The following DYNC2LI1 variants were observed in gnomAD, a reference collection of about 807,000 sequenced individuals.
The protein encoded by DYNC2LI1 is cytoplasmic dynein 2 light intermediate chain 1.
DYNC2LI1 carries 45 observed loss-of-function variants against 51.9 expected under a neutral mutation model. The observed-to-expected ratio is 0.87, with a 90% CI of 0.68 to 1.11. DYNC2LI1 has a LOEUF of 1.11. DYNC2LI1 is among the 50% of genes most tolerant of loss of function. The probability of loss-of-function intolerance (pLI) is 0.00; values close to 1 mark genes in which losing one functional copy is unlikely to be tolerated. For synonymous variants in DYNC2LI1, 130 were observed against 137.8 expected, an observed-to-expected ratio of 0.94 and a Z score of 0.40; for missense variants, 490 against 417.4, an observed-to-expected ratio of 1.17 and a Z score of -1.51.
chr2:43,823,000 C>G, the DYNC2LI1 span: 40 of 1,594,708 alleles, frequency 2.5e-5, no homozygotes, highest in Non-Finnish European at 3.2e-5. Context: ...GAGGGCTAGC[C>G]CAAGCTGAAT....
chr2:43,798,350 T>A (rs1222903548), intron 8 of DYNC2LI1, among the ~76,000 whole-genome samples: 1 of 152,206 alleles, frequency 6.6e-6, no homozygotes, highest in Non-Finnish European at 1.5e-5. Flanking sequence ...TATGTTTGAA[T>A]CGTATTTGCT....
At chr2:43,789,381 T>C (rs897676425) in intron 4 of DYNC2LI1, among the ~76,000 whole-genome samples, 3 of 152,232 alleles carry the variant, frequency 2.0e-5, no homozygotes, top group Non-Finnish European at 4.4e-5. Context: ...ACTGTTGATG[T>C]CTTCTGTTTA....
chr2:43,777,490 C>T (rs984203634), intron 2 of DYNC2LI1, among the ~76,000 whole-genome samples: 1 of 152,174 alleles, frequency 6.6e-6, no homozygotes, highest in South Asian at 2.1e-4. Context: ...TTGCCTGGCC[C>T]ACAAAGTTCC....
chr2:43,795,280 C>T (rs113699694), intron 6 of DYNC2LI1: 63,570 of 699,604 alleles, frequency 0.091, 2,865 homozygotes, highest in Middle Eastern at 0.17. Context: ...CCGAGGCGGG[C>T]GGATCACGAC....
At chr2:43,813,106 A>G (rs886332416), downstream of DYNC2LI1, 2 of 1,073,248 alleles carry the variant, frequency 1.9e-6, no homozygotes, top group South Asian at 1.2e-5. Context: ...TTTCCCAGCC[A>G]TGGCTTTCAC....
chr2:43,776,741 T>G, intron 1 of DYNC2LI1, 41 bp from the exon 2 acceptor site: 4 of 886,068 alleles, frequency 4.5e-6, no homozygotes, highest in Non-Finnish European at 5.3e-6. Flanking sequence ...TTTGAAAGAA[T>G]TCTTTTTCCC....
rs768039440 is a variant in DYNC2LI1 at position 43,774,162 on chromosome 2, G to A, written c.8+16G>A. 1.9e-6 allele frequency: 3 copies of A among 1,613,762 alleles called. No individual in the cohort carries two copies. The highest frequency in any genetic ancestry group is 2.2e-5 in the South Asian group (2 of 90,926). On this transcript the variant is annotated intron_variant, in intron 1 of 12. Coordinates refer to ENST00000260605, the MANE Select transcript of DYNC2LI1 (RefSeq NM_016008.4). ...CGATGCCCAGGTATTCCCTGAACCC[G>A]GCTTGCGTGGGAAAGGCTACTGAGA...
In DYNC2LI1 at chr2:43,776,871, T is replaced by A; in HGVS notation, c.98T>A (p.Phe33Tyr). The A allele has an allele frequency of 6.3e-7, 1 of 1,598,898 alleles. No individual in the cohort carries two copies. Among genetic ancestry groups the A allele is most frequent in the South Asian group, 1.1e-5 (1 of 88,626 alleles). The stretch of plus-strand genomic sequence containing the variant: ...GATGGAGCTGAAATTGCAGAAAAAT[T>A]TGTTTTCTTCATTGGCAGTAAAAAT... ...EGDGAEIAEKFVFFIGSKNGG... is the reference protein window; with the variant it reads ...EGDGAEIAEKYVFFIGSKNGG... The change falls in exon 2 of 13, where the codon TTT (phenylalanine) becomes TAT (tyrosine). Residue 33 changes from phenylalanine to tyrosine, a missense_variant. Phe to Tyr is a conservative substitution (Grantham distance 22). Transcript: ENST00000260605.
chr2:43,776,677 C>A, intron 1 of DYNC2LI1, 105 bp from the exon 2 acceptor site: 2 of 565,094 alleles, frequency 3.5e-6, no homozygotes, highest in Non-Finnish European at 3.1e-6. Flanking sequence ...AAATAATGTT[C>A]ATTTGTTTCA....
intron 8 of DYNC2LI1, among the ~76,000 whole-genome samples, chr2:43,797,042 A>C (rs1207392578): frequency 6.6e-6 from 1 of 152,180 alleles, no homozygotes; most frequent in East Asian, 1.9e-4. Context: ...AATCCCAACC[A>C]AGTTTAAAGA....
chr2:43,797,741 A>T (rs1665931288), intron 8 of DYNC2LI1, among the ~76,000 whole-genome samples: 1 of 151,824 alleles, frequency 6.6e-6, no homozygotes, highest in Non-Finnish European at 1.5e-5. Context: ...GCTGGTCTTG[A>T]ACTCCTGACC....
intron 8 of DYNC2LI1, among the ~76,000 whole-genome samples, chr2:43,798,126 T>A (rs1286298774): frequency 2.7e-5 from 4 of 149,100 alleles, no homozygotes; most frequent in Admixed American, 6.7e-5. Context: ...AAAAAAAAAA[T>A]TTCCTTTACA....
intron 8 of DYNC2LI1, among the ~76,000 whole-genome samples, chr2:43,797,479 T>G (rs1665915045): frequency 1.3e-5 from 2 of 151,946 alleles, no homozygotes; most frequent in Admixed American, 1.3e-4. Flanking sequence ...GGACTAAACT[T>G]TACTAAATGT....
At chr2:43,776,752 T>G (rs761024829) in intron 1 of DYNC2LI1, 30 bp from the exon 2 acceptor site, 2 of 1,007,452 alleles carry the variant, frequency 2.0e-6, no homozygotes, top group Admixed American at 4.8e-5. Context: ...TCTTTTTCCC[T>G]CAATTTTGTT....
At chr2:43,785,711 T>TAAAAA (rs1553361215) in intron 3 of DYNC2LI1, among the ~76,000 whole-genome samples, 3 of 150,004 alleles carry the variant, frequency 2.0e-5, no homozygotes, top group African/African-American at 4.9e-5. Flanking sequence ...AAAAAATAAA[T>TAAAAA]AAATAAAATA....
chr2:43,774,152 C>A lies in DYNC2LI1; in HGVS notation c.8+6C>A, dbSNP rs1361619156. 1.2e-6 allele frequency: 2 copies of A among 1,613,950 alleles called. No individual in the cohort carries two copies. The highest frequency in any genetic ancestry group is 1.7e-5 in the Admixed American group (1 of 60,010). On this transcript the variant is annotated splice_donor_region_variant and intron_variant, in intron 1 of 12. Transcript: ENST00000260605. The stretch of plus-strand genomic sequence containing the variant: ...AGGCCGTCGACGATGCCCAGGTATT[C>A]CCTGAACCCGGCTTGCGTGGGAAAG...
the DYNC2LI1 span, chr2:43,824,224 G>A: frequency 3.1e-6 from 5 of 1,614,166 alleles, no homozygotes; most frequent in South Asian, 5.5e-5. Flanking sequence ...CTTACCTCAG[G>A]AGAACACCCA....
downstream of DYNC2LI1, chr2:43,814,514 A>G (rs376233323): frequency 4.4e-6 from 7 of 1,609,084 alleles, no homozygotes; most frequent in Non-Finnish European, 6.0e-6. Context: ...CATTGACTAC[A>G]AGAATCTCAC....
At position 43,786,668 on chromosome 2, in the gene DYNC2LI1, C is replaced by CA. The variant is rs543102886; in HGVS notation, c.162-505dup. ...TGAAACCCTGTCTTTACTAAAAATACAAAAAAAATTAGCTGGGCCTGGTGG... is the reference window on the plus strand; with the variant it reads ...TGAAACCCTGTCTTTACTAAAAATACAAAAAAAAATTAGCTGGGCCTGGTGG... On this transcript the variant is annotated intron_variant, in intron 3 of 12. Coordinates refer to ENST00000260605, the MANE Select transcript of DYNC2LI1 (RefSeq NM_016008.4). 3.5e-3 allele frequency among the ~76,000 whole-genome samples: 529 copies of CA among 151,782 alleles called. 4 individuals carry two copies. The highest frequency in any genetic ancestry group is 0.011 in the African/African-American group (460 of 41,402).
Sources: gnomAD v4.1 joint callset for allele counts (sites outside exome capture counted in the v4.1 genomes callset) on GRCh38, gnomAD v4.1.1 for gene constraint, MANE v1.5 for transcripts, NCBI Gene and HGNC (gene_info 2026-07-23, HGNC 2026-07-21) for gene names.